Variants in STX7 observed in about 807,000 individuals in gnomAD.
STX7 encodes syntaxin-7.
In STX7, 34 loss-of-function variants were observed where a neutral mutation model predicts 39.6. That is an observed-to-expected ratio of 0.86 (90% CI 0.65 to 1.14). The LOEUF is 1.14. Among genes scored for constraint, STX7 ranks in the 50% most tolerant of loss-of-function variants. The pLI is 0.00. For missense variants in STX7, 284 were observed against 310.4 expected (o/e 0.92, Z 0.64); for synonymous variants, 119 against 99.1 (o/e 1.20, Z -1.19).
At chr6:132,471,622 G>T in intron 4 of STX7, 22 bp from the exon 5 acceptor site, 1 of 1,606,404 alleles carries the variant, frequency 6.2e-7, no homozygotes. Context: ...AGAAGAAAAA[G>T]CCAACTAGAA....
In STX7 at chr6:132,446,482, G is replaced by T. The variant is rs879864469; in HGVS notation, c.*14276C>A. 5.9e-5 allele frequency: 9 copies of T among 152,204 alleles called. No individual in the cohort carries two copies. Among genetic ancestry groups the T allele is most frequent in the African/African-American group, 2.2e-4 (9 of 41,462 alleles). The allele number at this position is 152,204 out of a possible 1,614,324, so 9.4% of individuals were successfully genotyped here. Reference sequence around the variant, plus strand: ...TAGATACAAGAATGAGGTTTTAAGAGATAATCTTTGTTTCTAATTAAGTGT... The same window carrying T: ...TAGATACAAGAATGAGGTTTTAAGATATAATCTTTGTTTCTAATTAAGTGT... On this transcript the variant is annotated 3_prime_UTR_variant, in exon 10 of 10. Coordinates refer to ENST00000367941, the MANE Select transcript of STX7 (RefSeq NM_003569.3).
At position 132,503,489 on chromosome 6, in the gene STX7, C is replaced by T; in HGVS notation, c.42G>A (p.Leu14=). 1 of 1,614,042 alleles carries T rather than the reference C, an allele frequency of 6.2e-7. No individual in the cohort carries two copies. Among genetic ancestry groups the T allele is most frequent in the Non-Finnish European group, 8.5e-7 (1 of 1,179,944 alleles). Residue 14 remains leucine, a synonymous_variant, in exon 2 of 10, where the codon TTG becomes TTA. Coordinates refer to ENST00000367941, the MANE Select transcript of STX7 (RefSeq NM_003569.3). ...GGATGTTAGAAGAGATCCTCTGGGC[C>T]AACTGGGCGGGGTCACCACCAACTC... ...TPGVGGDPAQ[L]AQRISSNIQK...
chr6:132,473,984 C>G (rs1345927180), intron 3 of STX7, among the ~76,000 whole-genome samples: 1 of 151,278 alleles, frequency 6.6e-6, no homozygotes, highest in Admixed American at 6.6e-5. Flanking sequence ...AATCACAGCA[C>G]TCTGGGAGGG....
At position 132,447,586 on chromosome 6, in the gene STX7, T is replaced by C. The variant is rs1774041396; in HGVS notation, c.*13172A>G. 6.6e-6 allele frequency: 1 copy of C among 152,146 alleles called. No individual in the cohort carries two copies. The highest frequency in any genetic ancestry group is 6.5e-5 in the Admixed American group (1 of 15,284). 9.4% of individuals were successfully genotyped at this position (152,146 alleles called of 1,614,324 possible). A position where few individuals can be genotyped will look rare whatever the true frequency, so the allele number is the denominator to read the frequency against. ...TTTTCCGTTTTGCCCTCTACATTTT[T>C]ACTTTAATAACTTTGTTTAGAACTG... On this transcript the variant is annotated 3_prime_UTR_variant, in exon 10 of 10. Transcript: ENST00000367941.
In STX7 at chr6:132,460,864, AAAC is replaced by A. The variant is rs1774378077; in HGVS notation, c.694-17_694-15del. 6.3e-7 allele frequency: 1 copy of A among 1,597,430 alleles called. No homozygotes were observed. The highest frequency in any genetic ancestry group is 1.1e-5 in the South Asian group (1 of 89,970). On this transcript the variant is annotated splice_polypyrimidine_tract_variant and intron_variant, in intron 9 of 9. Coordinates refer to ENST00000367941, the MANE Select transcript of STX7 (RefSeq NM_003569.3). ...TCTGGATTTGCGCTGCAGACGCAAA[AAAC>A]AAAACAAAACAAAAAAACATGTTTA...
At chr6:132,493,994 T>C (rs1018411771) in intron 2 of STX7, among the ~76,000 whole-genome samples, 1 of 152,184 alleles carries the variant, frequency 6.6e-6, no homozygotes, top group Non-Finnish European at 1.5e-5. Flanking sequence ...TAGTCATTAT[T>C]ATAGAAATTC....
intron 2 of STX7, among the ~76,000 whole-genome samples, chr6:132,490,201 T>C (rs981831897): frequency 2.1e-4 from 32 of 152,226 alleles, no homozygotes; most frequent in Non-Finnish European, 4.4e-4. Context: ...GACACATCTT[T>C]TGCCCATCAT....
chr6:132,488,169 T>G (rs1775187953), intron 2 of STX7, among the ~76,000 whole-genome samples: 1 of 152,226 alleles, frequency 6.6e-6, no homozygotes, highest in African/African-American at 2.4e-5. Flanking sequence ...TGTGTTTGGT[T>G]TTCAAACATT....
chr6:132,498,377 C>CA (rs1775470341), intron 2 of STX7, among the ~76,000 whole-genome samples: 1 of 151,594 alleles, frequency 6.6e-6, no homozygotes, highest in Non-Finnish European at 1.5e-5. Flanking sequence ...GGTCTTAAAC[C>CA]AAAAAAATGG....
At chr6:132,473,407 C>G (rs1226956424) in intron 3 of STX7, among the ~76,000 whole-genome samples, 3 of 151,860 alleles carry the variant, frequency 2.0e-5, no homozygotes, top group African/African-American at 7.3e-5. Context: ...TGCATATCCT[C>G]CCATATCTTT....
Position 132,475,660 on chromosome 6 carries a change from C to T in STX7, c.88G>A (p.Val30Met). ...TGATTCAGAGTTCTTTGTATTTCCA[C>T]AGCTATTATAATAGAAAATTCATGT... ...SNIQKITQCSVEIQRTLNQLG... is the reference protein window; with the variant it reads ...SNIQKITQCSMEIQRTLNQLG... Residue 30 changes from valine (V) to methionine (M), a missense_variant and splice_region_variant, in exon 3 of 10, where the codon GTG becomes ATG. By Grantham distance (21) the Val-to-Met change is conservative. Coordinates refer to ENST00000367941, the MANE Select transcript of STX7 (RefSeq NM_003569.3). The T allele has an allele frequency of 6.3e-7, 1 of 1,598,530 alleles. No individual in the cohort carries two copies. Among genetic ancestry groups the T allele is most frequent in the Non-Finnish European group, 8.5e-7 (1 of 1,171,814 alleles).
chr6:132,471,419 C>A (rs748856717), intron 5 of STX7, 44 bp downstream of exon 5: 2 of 1,579,984 alleles, frequency 1.3e-6, no homozygotes, highest in Non-Finnish European at 1.7e-6. Flanking sequence ...GGACCCTTAG[C>A]AAGTAACCAT....
At chr6:132,486,518 T>C (rs1249521704) in intron 2 of STX7, among the ~76,000 whole-genome samples, 2 of 152,208 alleles carry the variant, frequency 1.3e-5, no homozygotes, top group Non-Finnish European at 2.9e-5. Flanking sequence ...TATTGCTCTT[T>C]CAGTATTAAA....
At position 132,450,158 on chromosome 6, in the gene STX7, T is replaced by C. The variant is rs1339872394; in HGVS notation, c.*10600A>G. ...AGCCTTTAGTGATTATCTTTCTTTC[T>C]AATGAGCCAGGAAATGAACTAATAT... On this transcript the variant is annotated 3_prime_UTR_variant, in exon 10 of 10. Coordinates refer to ENST00000367941, the MANE Select transcript of STX7 (RefSeq NM_003569.3). 6.6e-6 allele frequency: 1 copy of C among 152,212 alleles called. No homozygotes were observed. The highest frequency in any genetic ancestry group is 6.5e-5 in the Admixed American group (1 of 15,282). 9.4% of individuals were successfully genotyped at this position (152,212 alleles called of 1,614,324 possible). A position where few individuals can be genotyped will look rare whatever the true frequency, so the allele number is the denominator to read the frequency against.
intron 9 of STX7, among the ~76,000 whole-genome samples, chr6:132,461,254 A>G (rs989783917): frequency 1.3e-5 from 2 of 152,186 alleles, no homozygotes; most frequent in Non-Finnish European, 2.9e-5. Flanking sequence ...CTTAAAAATG[A>G]GTTCTCTGAA....
chr6:132,505,597 G>A (rs1461821536), intron 1 of STX7, among the ~76,000 whole-genome samples: 1 of 152,050 alleles, frequency 6.6e-6, no homozygotes, highest in Non-Finnish European at 1.5e-5. Context: ...CACTACAGTG[G>A]GGAGACAGGA....
At position 132,446,408 on chromosome 6, in the gene STX7, G is replaced by C. The variant is rs1279264168; in HGVS notation, c.*14350C>G. The C allele has an allele frequency of 6.6e-6, 1 of 152,100 alleles. No individual in the cohort carries two copies. The highest frequency in any genetic ancestry group is 1.5e-5 in the Non-Finnish European group (1 of 67,988). 9.4% of individuals were successfully genotyped at this position (152,100 alleles called of 1,614,324 possible). On this transcript the variant is annotated 3_prime_UTR_variant, in exon 10 of 10. Transcript: ENST00000367941. ...TTTTATACAATGTTTTCATTGTCTT[G>C]TTCTTTTTCTGGAACCACAATTTCT...
chr6:132,496,898 T>G (rs1377440563), intron 2 of STX7, among the ~76,000 whole-genome samples: 2 of 152,184 alleles, frequency 1.3e-5, no homozygotes, highest in South Asian at 2.1e-4. Flanking sequence ...AATTGCAAAG[T>G]AAATCATGAG....
intron 2 of STX7, among the ~76,000 whole-genome samples, chr6:132,489,210 AAAAAAAAAAAAAAAAG>A (rs369065893): frequency 0.016 from 2,392 of 148,626 alleles, 68 homozygotes; most frequent in African/African-American, 0.053. Flanking sequence ...TAAAAAAAAA[AAAAAAAAAAAAAAAAG>A]GATGATATAT....
Sources: allele counts gnomAD v4.1 joint callset (sites outside exome capture counted in the v4.1 genomes callset), GRCh38; gene constraint gnomAD v4.1.1; transcripts MANE v1.5; gene names NCBI Gene and HGNC (gene_info 2026-07-23, HGNC 2026-07-21).